Variants in FAH observed in about 807,000 individuals in gnomAD.
The protein encoded by FAH is fumarylacetoacetate hydrolase, also known as fumarylacetoacetase.
Under a neutral mutation model 55.8 loss-of-function variants are expected in FAH, and 47 were observed. The ratio of observed to expected loss-of-function variants is 0.84; its 90% confidence interval spans 0.67 to 1.07. The LOEUF (loss-of-function observed/expected upper bound fraction) is 1.07, where lower values mean the gene tolerates loss of function less well. Ranked by LOEUF, FAH falls within the 50% of genes least tolerant of loss-of-function variation. FAH has a pLI of 0.00. For missense variants in FAH, 495 were observed against 545.9 expected (o/e 0.91, Z 0.93); for synonymous variants, 199 against 207.7 (o/e 0.96, Z 0.36).
At chr15:80,160,535 C>G in intron 4 of FAH, 76 bp downstream of exon 4, 1 of 1,437,716 alleles carries the variant, frequency 7.0e-7, no homozygotes, top group Non-Finnish European at 9.8e-7. Context: ...TGCTTTGGTT[C>G]TGCATCTGTG....
intron 5 of FAH, among the ~76,000 whole-genome samples, chr15:80,165,485 G>A (rs2041183994): frequency 6.7e-6 from 1 of 149,926 alleles, no homozygotes; most frequent in African/African-American, 2.5e-5. Flanking sequence ...CTGAGGTTGT[G>A]CCGTTGCACT....
At chr15:80,164,851 C>T (rs1198907430) in intron 5 of FAH, among the ~76,000 whole-genome samples, 2 of 152,204 alleles carry the variant, frequency 1.3e-5, no homozygotes, top group South Asian at 2.1e-4. Context: ...TTGGATGTGC[C>T]GCTTCCTGTA....
chr15:80,172,726 G>A (rs2041251341), intron 8 of FAH, among the ~76,000 whole-genome samples: 1 of 152,200 alleles, frequency 6.6e-6, no homozygotes, highest in South Asian at 2.1e-4. Context: ...CCCAGAAAGT[G>A]TCTCTCTCAT....
intron 5 of FAH, 99 bp from the exon 6 acceptor site, chr15:80,167,953 A>G: frequency 1.1e-6 from 1 of 926,294 alleles, no homozygotes; most frequent in Non-Finnish European, 1.8e-6. Flanking sequence ...AGCCATGTGT[A>G]TGTGGCGACT....
chr15:80,155,691 C>G (rs1173344825), intron 1 of FAH, among the ~76,000 whole-genome samples: 1 of 151,600 alleles, frequency 6.6e-6, no homozygotes, highest in African/African-American at 2.4e-5. Context: ...TGGCTGGGCA[C>G]ACTGATATTT....
At chr15:80,169,522 T>C (rs535959482) in intron 7 of FAH, among the ~76,000 whole-genome samples, 3 of 152,084 alleles carry the variant, frequency 2.0e-5, no homozygotes, top group African/African-American at 7.2e-5. Flanking sequence ...TATTTGTTTT[T>C]TGTTTTGTTT....
In FAH at chr15:80,168,047, C is replaced by G. The variant is rs759644380; in HGVS notation, c.456-5C>G. The G allele has an allele frequency of 1.9e-6, 3 of 1,613,054 alleles. No individual in the cohort carries two copies. The African/African-American group carries it at 4.0e-5, about 22-fold the overall frequency. On this transcript the variant is annotated splice_region_variant and splice_polypyrimidine_tract_variant and intron_variant, in intron 5 of 13. Coordinates refer to ENST00000561421, the MANE Select transcript of FAH (RefSeq NM_000137.4). Reference sequence around the variant, plus strand: ...GCCCTGCATTCTCTTGCCTTCCTTTCTCAGGCTGCACTTACCAGTGGGCTA... The same window carrying G: ...GCCCTGCATTCTCTTGCCTTCCTTTGTCAGGCTGCACTTACCAGTGGGCTA...
intron 1 of FAH, 101 bp downstream of exon 1, chr15:80,153,236 G>A: frequency 6.5e-6 from 6 of 929,758 alleles, no homozygotes; most frequent in Non-Finnish European, 8.5e-6. Flanking sequence ...TGAGGGGCGG[G>A]ATGGAGGCTT....
Position 80,177,469 on chromosome 15 carries a change from T to C in FAH, c.914-68T>C, listed in dbSNP as rs2041293346. ...TGGGAAGCTTCAGCCACAGAACAAT[T>C]CTTTTTTTATTTTCCTCCCTGATGC... On this transcript the variant is annotated intron_variant, in intron 10 of 13. Coordinates refer to ENST00000561421, the MANE Select transcript of FAH (RefSeq NM_000137.4). The C allele has an allele frequency of 2.2e-6, 3 of 1,371,082 alleles. No homozygotes were observed. The South Asian group carries it at 3.5e-5, about 16-fold the overall frequency. 84.9% of individuals were successfully genotyped at this position (1,371,082 alleles called of 1,614,324 possible).
At chr15:80,155,933 G>T in intron 1 of FAH, 1 of 478,100 alleles carries the variant, frequency 2.1e-6, no homozygotes, top group Admixed American at 2.3e-5. Flanking sequence ...CTTCAAAGAG[G>T]AACCAGGAGT....
intron 5 of FAH, chr15:80,166,054 A>G (rs963851055): frequency 3.3e-5 from 5 of 152,174 alleles, no homozygotes; most frequent in African/African-American, 9.7e-5. Flanking sequence ...ACAGAACTCA[A>G]CCACCTATGG....
At chr15:80,181,249 CA>C (rs2041329098) in intron 13 of FAH, 90 bp downstream of exon 13, 2 of 873,230 alleles carry the variant, frequency 2.3e-6, no homozygotes, top group Non-Finnish European at 3.9e-6. Flanking sequence ...GCCATGAAGC[CA>C]TCTGTTCTCA....
At chr15:80,186,084 T>G in intron 13 of FAH, 46 bp from the exon 14 acceptor site, 684 of 1,536,536 alleles carry the variant, frequency 4.5e-4, no homozygotes, top group Non-Finnish European at 5.7e-4. Context: ...TTGGTTCCGG[T>G]GAGCCCAGCA....
Position 80,159,733 on chromosome 15 carries a change from T to C in FAH, c.193-23T>C, listed in dbSNP as rs1370274. On this transcript the variant is annotated intron_variant, in intron 2 of 13. Coordinates refer to ENST00000561421, the MANE Select transcript of FAH (RefSeq NM_000137.4). ...CCTGGGTTTTCCTGTACGTGATCTT[T>C]TTTCTCCCTGTTTTGGTCTTAGCCT... 974,271 of 1,613,044 alleles carry C rather than the reference T, an allele frequency of 0.6. 296,782 individuals are homozygous for C. The highest frequency in any genetic ancestry group is 0.8 in the East Asian group (35,745 of 44,872).
chr15:80,176,174 G>A (rs1229695715), intron 10 of FAH, among the ~76,000 whole-genome samples: 1 of 152,112 alleles, frequency 6.6e-6, no homozygotes, highest in Non-Finnish European at 1.5e-5. Flanking sequence ...GCGCCACCAT[G>A]CCTGGCTAAT....
intron 1 of FAH, chr15:80,155,938 A>G (rs897570619): frequency 1.0e-5 from 5 of 477,710 alleles, no homozygotes; most frequent in African/African-American, 9.8e-5. Context: ...AAGAGGAACC[A>G]GGAGTACAGG....
At position 80,185,980 on chromosome 15, in the gene FAH, TA is replaced by T; in HGVS notation, c.1181-149del. 3 of 732,154 alleles carry T rather than the reference TA, an allele frequency of 4.1e-6. No individual in the cohort carries two copies. In the South Asian group the frequency reaches 4.4e-5, roughly 11 times the overall value. 45.4% of individuals were successfully genotyped at this position (732,154 alleles called of 1,614,324 possible). On this transcript the variant is annotated intron_variant, in intron 13 of 13. Transcript: ENST00000561421. The stretch of plus-strand genomic sequence containing the variant: ...ACTCTGCCCAGCTTCCGTGGAGGGT[TA>T]TTCTTGTGTTTAAGATATGTGTGTG...
intron 11 of FAH, among the ~76,000 whole-genome samples, chr15:80,178,907 T>A (rs1227386069): frequency 6.6e-6 from 1 of 152,172 alleles, no homozygotes; most frequent in East Asian, 1.9e-4. Context: ...ATTTTGTAAG[T>A]CACATCAATT....
At chr15:80,154,459 A>G (rs1486122295) in intron 1 of FAH, among the ~76,000 whole-genome samples, 3 of 152,238 alleles carry the variant, frequency 2.0e-5, no homozygotes, top group African/African-American at 4.8e-5. Context: ...GGCAGCCACT[A>G]CAGATGTCTG....
Sources: allele counts gnomAD v4.1 joint callset (sites outside exome capture counted in the v4.1 genomes callset), GRCh38; gene constraint gnomAD v4.1.1; transcripts MANE v1.5; gene names NCBI Gene and HGNC (gene_info 2026-07-23, HGNC 2026-07-21).